Variants in FHL2 observed in about 807,000 individuals in gnomAD.
The protein encoded by FHL2 is four and a half LIM domains 2.
FHL2 carries 20 observed loss-of-function variants against 32.7 expected under a neutral mutation model. The observed-to-expected ratio is 0.61, with a 90% CI of 0.43 to 0.89. The LOEUF (loss-of-function observed/expected upper bound fraction) is 0.89. FHL2 is among the 40% of genes least tolerant of loss of function. The pLI is 0.00. For missense variants in FHL2, 311 were observed against 358.6 expected (o/e 0.87, Z 1.07); for synonymous variants, 123 against 128.1 (o/e 0.96, Z 0.27).
intron 2 of FHL2, among the ~76,000 whole-genome samples, chr2:105,390,937 C>T (rs527332975): frequency 1.2e-4 from 18 of 151,652 alleles, no homozygotes; most frequent in African/African-American, 2.9e-4. Flanking sequence ...GCTGGGATTA[C>T]GGGCACACGC....
rs1189798893 is a variant in FHL2 at position 105,396,896 on chromosome 2, G to C, written c.-75-199C>G. ...TGTACCTCAGGGCATCTGAGTCAGAGAGCCGCTTAGCGACTCAGGCCCGGT... is the reference window on the plus strand; with the variant it reads ...TGTACCTCAGGGCATCTGAGTCAGACAGCCGCTTAGCGACTCAGGCCCGGT... On this transcript the variant is annotated intron_variant, in intron 1 of 6. Transcript: ENST00000530340. 7.0e-6 allele frequency: 4 copies of C among 573,772 alleles called. No individual in the cohort carries two copies. In the South Asian group the frequency reaches 9.1e-5, roughly 13 times the overall value. The allele number at this position is 573,772 out of a possible 1,614,324, so 35.5% of individuals were successfully genotyped here. A position where few individuals can be genotyped will look rare whatever the true frequency, so the allele number is the denominator to read the frequency against.
chr2:105,434,022 C>G (rs887519698), intron 1 of FHL2, among the ~76,000 whole-genome samples: 1 of 152,202 alleles, frequency 6.6e-6, no homozygotes, highest in African/African-American at 2.4e-5. Context: ...AATCCTATCA[C>G]TTTCCATCTC....
At chr2:105,366,020 A>G (rs1281583859) in intron 5 of FHL2, among the ~76,000 whole-genome samples, 1 of 151,968 alleles carries the variant, frequency 6.6e-6, no homozygotes, top group Non-Finnish European at 1.5e-5. Context: ...AGCCTGGCCA[A>G]CATGTTGAAA....
chr2:105,431,360 A>G (rs1434287600), intron 1 of FHL2, among the ~76,000 whole-genome samples: 2 of 152,254 alleles, frequency 1.3e-5, no homozygotes, highest in African/African-American at 4.8e-5. Flanking sequence ...TGTGTGAGAT[A>G]GCAAGTGAAC....
At chr2:105,400,000 C>G (rs1250051542), upstream of FHL2, among the ~76,000 whole-genome samples, 2 of 152,168 alleles carry the variant, frequency 1.3e-5, no homozygotes, top group Non-Finnish European at 2.9e-5. Context: ...TTAATTGATA[C>G]TCTCCGTCTG....
chr2:105,395,230 C>A (rs1052356515), intron 2 of FHL2, among the ~76,000 whole-genome samples: 2 of 152,252 alleles, frequency 1.3e-5, no homozygotes, highest in African/African-American at 4.8e-5. Flanking sequence ...TGCAGGACAA[C>A]CATAGCTGCA....
At chr2:105,399,217 C>T (rs895972161), upstream of FHL2, 2 of 1,532,012 alleles carry the variant, frequency 1.3e-6, no homozygotes, top group Non-Finnish European at 1.7e-6. Flanking sequence ...GGTCCCGGCC[C>T]GTACCCTTTG....
chr2:105,389,719 T>G (rs1352925472), intron 2 of FHL2, among the ~76,000 whole-genome samples: 2 of 152,162 alleles, frequency 1.3e-5, no homozygotes, highest in Non-Finnish European at 2.9e-5. Flanking sequence ...TGAAAGGCCG[T>G]CTGTGTGGGT....
chr2:105,390,641 G>T (rs977174668), intron 2 of FHL2, among the ~76,000 whole-genome samples: 1 of 152,186 alleles, frequency 6.6e-6, no homozygotes, highest in Non-Finnish European at 1.5e-5. Flanking sequence ...GTGAAAGCAG[G>T]CCCCTGAAGG....
At chr2:105,383,900 A>G (rs1048569969) in intron 3 of FHL2, among the ~76,000 whole-genome samples, 1 of 152,252 alleles carries the variant, frequency 6.6e-6, no homozygotes, top group Non-Finnish European at 1.5e-5. Flanking sequence ...CATACAGTGT[A>G]ACCCCACGTA....
chr2:105,422,370 A>T (rs1411175127), intron 1 of FHL2, among the ~76,000 whole-genome samples: 1 of 152,184 alleles, frequency 6.6e-6, no homozygotes, highest in East Asian at 1.9e-4. Context: ...CAGGGGCCCT[A>T]TGTGGATGGA....
At chr2:105,409,425 G>A (rs187707254) in intron 1 of FHL2, among the ~76,000 whole-genome samples, 91 of 152,270 alleles carry the variant, frequency 6.0e-4, no homozygotes, top group Admixed American at 6.0e-3. Flanking sequence ...GTAGGCCCTG[G>A]CATTGCAAGC....
intron 4 of FHL2, among the ~76,000 whole-genome samples, chr2:105,369,513 T>C (rs1680871104): frequency 6.6e-6 from 1 of 152,148 alleles, no homozygotes; most frequent in Non-Finnish European, 1.5e-5. Context: ...GGGGGCAATG[T>C]GTGAGAGGGA....
intron 2 of FHL2, among the ~76,000 whole-genome samples, chr2:105,395,976 G>GAC (rs1192083583): frequency 2.0e-5 from 3 of 152,128 alleles, no homozygotes; most frequent in African/African-American, 7.2e-5. Flanking sequence ...GACCCCTCGT[G>GAC]ACATCCCCAT....
rs956473814 is a variant in FHL2, at chr2:105,373,751, A to C, written c.157-18T>G. The C allele has an allele frequency of 6.2e-7, 1 of 1,613,242 alleles. No individual in the cohort carries two copies. The highest frequency in any genetic ancestry group is 1.8e-4 in the Middle Eastern group (1 of 5,406). On this transcript the variant is annotated intron_variant, in intron 3 of 6. Transcript: ENST00000530340. ...GACAAGTCCTGTGGGGCCAGACCAC[A>C]CAAGACAGTCAGAGGCAGGACAGGA...
intron 1 of FHL2, among the ~76,000 whole-genome samples, chr2:105,416,579 T>A (rs1683944855): frequency 6.6e-6 from 1 of 152,242 alleles, no homozygotes; most frequent in Non-Finnish European, 1.5e-5. Context: ...TCATATTCTA[T>A]TACATTAAAG....
chr2:105,383,429 C>T (rs1682046770), intron 3 of FHL2, among the ~76,000 whole-genome samples: 1 of 152,160 alleles, frequency 6.6e-6, no homozygotes, highest in Non-Finnish European at 1.5e-5. Flanking sequence ...CCCAGAGTAA[C>T]TTAATAGAAA....
At chr2:105,435,714 C>T (rs756824171) in intron 1 of FHL2, among the ~76,000 whole-genome samples, 36 of 152,116 alleles carry the variant, frequency 2.4e-4, no homozygotes, top group African/African-American at 7.9e-4. Context: ...CCCAGCTACT[C>T]GGGAGGCTGA....
chr2:105,373,212 T>A lies in FHL2; in HGVS notation c.331+347A>T, dbSNP rs555164916. ...GTGAAATAACTGAATGAGTACAAAT[T>A]CAGCAGGTAGAAGGGAAGAAAAGAG... is the stretch of plus-strand genomic sequence containing the variant. On this transcript the variant is annotated intron_variant, in intron 4 of 6. Coordinates refer to ENST00000530340, the MANE Select transcript of FHL2 (RefSeq NM_001318895.3). 9.9e-5 allele frequency among the ~76,000 whole-genome samples: 15 copies of A among 152,226 alleles called. No individual in the cohort carries two copies. In the East Asian group the frequency reaches 2.9e-3, roughly 29 times the overall value.
Sources: allele counts gnomAD v4.1 joint callset (sites outside exome capture counted in the v4.1 genomes callset), GRCh38; gene constraint gnomAD v4.1.1; transcripts MANE v1.5; gene names NCBI Gene and HGNC (gene_info 2026-07-23, HGNC 2026-07-21).